The following CDH5 variants were observed in gnomAD, a reference collection of about 807,000 sequenced individuals.
CDH5 encodes the protein cadherin-5.
Under a neutral mutation model 62.0 loss-of-function variants are expected in CDH5, and 28 were observed. The ratio of observed to expected loss-of-function variants is 0.45; its 90% CI spans 0.33 to 0.62. The LOEUF is 0.62. Among genes scored for constraint, CDH5 ranks in the 20% least tolerant of loss-of-function variants. CDH5 has a pLI of 0.02. For synonymous variants in CDH5, 464 were observed against 445.8 expected, an observed-to-expected ratio of 1.04 and a Z score of -0.52; for missense variants, 940 against 1,065.1, an observed-to-expected ratio of 0.88 and a Z score of 1.63.
Position 66,397,989 on chromosome 16 carries a change from C to T in CDH5, c.1368C>T (p.Pro456=), listed in dbSNP as rs1365849773. Residue 456 remains proline, a synonymous_variant, in exon 9 of 12, where the codon CCC becomes CCT. Coordinates refer to ENST00000341529, the MANE Select transcript of CDH5 (RefSeq NM_001795.5). Reference sequence around the variant, plus strand: ...CAGTCTTCTCCCCTGCAGGAACCCCCACAGGAAAAGAATCCATTGTGCAAG... The same window carrying T: ...CAGTCTTCTCCCCTGCAGGAACCCCTACAGGAAAAGAATCCATTGTGCAAG... ...EAKELDSTGT[P]TGKESIVQVH... 6.2e-7 allele frequency: 1 copy of T among 1,614,154 alleles called. No homozygotes were observed. The highest frequency in any genetic ancestry group is 8.5e-7 in the Non-Finnish European group (1 of 1,180,000).
At position 66,402,581 on chromosome 16, in the gene CDH5, G is replaced by A. The variant is rs1961304558; in HGVS notation, c.1838-71G>A. 1.1e-5 allele frequency: 15 copies of A among 1,365,108 alleles called. 1 individual carries two copies. In the South Asian group the frequency reaches 1.3e-4, roughly 12 times the overall value. The allele number at this position is 1,365,108 out of a possible 1,614,324, so 84.6% of individuals were successfully genotyped here. On this transcript the variant is annotated intron_variant, in intron 11 of 11. Transcript: ENST00000341529. ...GGGGTGGGGTTGCAGGGGGCAGTGG[G>A]GATGGGGGCATGGGGGGCCGCCCAG... is the stretch of plus-strand genomic sequence containing the variant.
intron 2 of CDH5, among the ~76,000 whole-genome samples, chr16:66,385,431 G>A (rs957557443): frequency 6.6e-6 from 1 of 152,168 alleles, no homozygotes; most frequent in East Asian, 1.9e-4. Flanking sequence ...GTTACACAAA[G>A]CTCACTGGAG....
intron 7 of CDH5, among the ~76,000 whole-genome samples, chr16:66,393,781 G>A (rs569470364): frequency 6.6e-6 from 1 of 151,980 alleles, no homozygotes; most frequent in Admixed American, 6.5e-5. Flanking sequence ...TTAAAATTTT[G>A]TATCCAGGTT....
chr16:66,383,714 C>A (rs916387436), intron 2 of CDH5, among the ~76,000 whole-genome samples: 1 of 152,198 alleles, frequency 6.6e-6, no homozygotes, highest in African/African-American at 2.4e-5. Context: ...TCCAGCTGTT[C>A]ATCATGCATC....
rs770710143 is a variant in CDH5, at chr16:66,402,825, G to T, written c.2011G>T (p.Ala671Ser). 3.8e-6 allele frequency: 6 copies of T among 1,599,254 alleles called. No individual in the cohort carries two copies. The East Asian group carries it at 1.4e-4, about 36-fold the overall frequency. The change falls in exon 12 of 12, where the codon GCC (alanine) becomes TCC (serine). Residue 671 changes from alanine to serine, a missense_variant. By Grantham distance (99) the Ala-to-Ser change is moderately conservative. Transcript: ENST00000341529. ...SVLNSVRRGG[A>S]KPPRPALDAR... is the part of the protein sequence containing the mutation. ...GCTCAACTCGGTGCGCCGCGGCGGGGCCAAGCCCCCGCGGCCCGCGCTGGA... is the reference window on the plus strand; with the variant it reads ...GCTCAACTCGGTGCGCCGCGGCGGGTCCAAGCCCCCGCGGCCCGCGCTGGA...
intron 11 of CDH5, among the ~76,000 whole-genome samples, chr16:66,402,127 A>G (rs1357593000): frequency 6.6e-6 from 1 of 152,074 alleles, no homozygotes; most frequent in Non-Finnish European, 1.5e-5. Flanking sequence ...CATTTTACAG[A>G]CAAGGAAACT....
At chr16:66,380,427 C>T (rs1369917076) in intron 2 of CDH5, among the ~76,000 whole-genome samples, 1 of 128,202 alleles carries the variant, frequency 7.8e-6, no homozygotes, top group Non-Finnish European at 1.6e-5. Context: ...GGTAGGTGGT[C>T]GTTGTGATGA....
At chr16:66,385,287 T>G (rs1160903497) in intron 2 of CDH5, among the ~76,000 whole-genome samples, 3 of 152,252 alleles carry the variant, frequency 2.0e-5, no homozygotes, top group African/African-American at 4.8e-5. Flanking sequence ...AATTATTAGC[T>G]AGCATTTATA....
intron 9 of CDH5, 131 bp from the exon 10 acceptor site, chr16:66,398,325 T>C: frequency 3.8e-6 from 3 of 779,458 alleles, no homozygotes; most frequent in Non-Finnish European, 6.5e-6. Flanking sequence ...TATGAAGAAC[T>C]AAATAGGTGA....
intron 2 of CDH5, 29 bp downstream of exon 2, chr16:66,379,576 G>A (rs772215131): frequency 2.5e-6 from 4 of 1,598,250 alleles, no homozygotes; most frequent in Non-Finnish European, 3.4e-6. Flanking sequence ...GACAGGAGAA[G>A]CCATCAGCAG....
At chr16:66,379,650 T>C in intron 2 of CDH5, 103 bp downstream of exon 2, 1 of 1,008,908 alleles carries the variant, frequency 9.9e-7, no homozygotes, top group South Asian at 1.4e-5. Context: ...ATAGATATTG[T>C]GGTGGTTGTA....
At chr16:66,395,895 G>T in intron 7 of CDH5, 164 bp from the exon 8 acceptor site, 1 of 639,880 alleles carries the variant, frequency 1.6e-6, no homozygotes. Context: ...GAATCCCTCT[G>T]TGTAGGTCCA....
intron 2 of CDH5, among the ~76,000 whole-genome samples, chr16:66,379,923 A>G (rs1960861328): frequency 7.7e-6 from 1 of 129,912 alleles, no homozygotes; most frequent in Admixed American, 7.8e-5. Flanking sequence ...ATAAAGGGGT[A>G]GGTGTTGGTG....
In CDH5 at chr16:66,386,343, C is replaced by T. The variant is rs116000990; in HGVS notation, c.211-466C>T. On this transcript the variant is annotated intron_variant, in intron 2 of 11. Transcript: ENST00000341529. ...GTTTGTTACATGTATATTGCATATT[C>T]GTGGGGATTGGGCTTCTAGCATACC... is the stretch of plus-strand genomic sequence containing the variant. Among the ~76,000 whole-genome samples the T allele has an allele frequency of 2.2e-3, 335 of 151,350 alleles. 3 individuals are homozygous for T. Among genetic ancestry groups the T allele is most frequent in the African/African-American group, 7.8e-3 (320 of 41,192 alleles).
intron 6 of CDH5, among the ~76,000 whole-genome samples, chr16:66,391,896 AG>A (rs1961091313): frequency 1.3e-5 from 2 of 152,210 alleles, no homozygotes; most frequent in Non-Finnish European, 1.5e-5. Flanking sequence ...CCAGGCACAC[AG>A]CCAGGGTTGT....
intron 7 of CDH5, 56 bp downstream of exon 7, chr16:66,392,439 A>T: frequency 6.2e-7 from 1 of 1,602,044 alleles, no homozygotes; most frequent in Non-Finnish European, 8.5e-7. Context: ...GGATGTTCCT[A>T]TGCCTGCTGG....
Position 66,390,435 on chromosome 16 carries a change from C to T in CDH5, c.814C>T (p.Arg272Cys), listed in dbSNP as rs375751151. ...CACATTTGTCGTGCCTGAAGACACC[C>T]GTGTGGGCACCTCTGTGGGCTCTCT... The part of the protein sequence containing the change: ...KYTFVVPEDT[R>C]VGTSVGSLFV... The change falls in exon 6 of 12, where the codon CGT becomes TGT. Residue 272 changes from arginine to cysteine, a missense_variant. Transcript: ENST00000341529. 20 of 1,614,006 alleles carry T rather than the reference C, an allele frequency of 1.2e-5. No homozygotes were observed. Among genetic ancestry groups the T allele is most frequent in the Non-Finnish European group, 1.4e-5 (17 of 1,179,952 alleles).
At chr16:66,369,093 G>A (rs758475074) in intron 1 of CDH5, among the ~76,000 whole-genome samples, 27 of 152,282 alleles carry the variant, frequency 1.8e-4, no homozygotes, top group Middle Eastern at 3.4e-3. Context: ...TGAGAGTAGG[G>A]GATGGTCCCT....
rs141885708 is a variant in CDH5, at chr16:66,374,132, G to T, written c.-19-5187G>T. On this transcript the variant is annotated intron_variant, in intron 1 of 11. Coordinates refer to ENST00000341529, the MANE Select transcript of CDH5 (RefSeq NM_001795.5). ...ATTTCTTTACCTGCAAAATGGGAACGCAGACAACTACCTAGAAGGGTTGTT... is the reference window on the plus strand; with the variant it reads ...ATTTCTTTACCTGCAAAATGGGAACTCAGACAACTACCTAGAAGGGTTGTT... Among the ~76,000 whole-genome samples the T allele has an allele frequency of 9.9e-5, 15 of 152,280 alleles. No homozygotes were observed. In the South Asian group the frequency reaches 3.1e-3, roughly 32 times the overall value.
Sources: allele counts gnomAD v4.1 joint callset (sites outside exome capture counted in the v4.1 genomes callset), GRCh38; gene constraint gnomAD v4.1.1; transcripts MANE v1.5; gene names NCBI Gene and HGNC (gene_info 2026-07-23, HGNC 2026-07-21).